The following ARHGAP24 variants were observed in gnomAD, a reference collection of about 807,000 sequenced individuals.
ARHGAP24 encodes Rho GTPase activating protein 24, also known as rho GTPase-activating protein 24.
In ARHGAP24, 50 loss-of-function variants were observed where a neutral mutation model predicts 76.4. The ratio of observed to expected loss-of-function variants is 0.65; its 90% confidence interval spans 0.52 to 0.83. The LOEUF is 0.83. Among genes scored for constraint, ARHGAP24 ranks in the 40% least tolerant of loss-of-function variants. ARHGAP24 has a pLI of 0.00. For synonymous variants in ARHGAP24, 345 were observed against 323.3 expected, an observed-to-expected ratio of 1.07 and a Z score of -0.72; for missense variants, 930 against 914.2, an observed-to-expected ratio of 1.02 and a Z score of -0.22.
intron 3 of ARHGAP24, among the ~76,000 whole-genome samples, chr4:85,794,430 T>C (rs997269537): frequency 6.6e-6 from 1 of 152,204 alleles, no homozygotes; most frequent in Non-Finnish European, 1.5e-5. Flanking sequence ...CCAAATATAA[T>C]TGTATACAAT....
At chr4:85,509,881 G>T (rs754649126) in intron 1 of ARHGAP24, among the ~76,000 whole-genome samples, 1 of 151,744 alleles carries the variant, frequency 6.6e-6, no homozygotes, top group South Asian at 2.1e-4. Flanking sequence ...TTGTATTATC[G>T]GATGCTGTGA....
chr4:85,759,656 C>T (rs1211636218), intron 3 of ARHGAP24, among the ~76,000 whole-genome samples: 1 of 151,736 alleles, frequency 6.6e-6, no homozygotes, highest in South Asian at 2.1e-4. Flanking sequence ...GAGGCAAGGA[C>T]GTGTTAGAAA....
intron 1 of ARHGAP24, among the ~76,000 whole-genome samples, chr4:85,539,674 G>T (rs1009862883): frequency 6.6e-6 from 1 of 152,072 alleles, no homozygotes; most frequent in African/African-American, 2.4e-5. Flanking sequence ...TTGAAAAAAA[G>T]CCTTTGCAAC....
chr4:85,875,704 T>A (rs531968144), intron 3 of ARHGAP24, among the ~76,000 whole-genome samples: 47 of 134,388 alleles, frequency 3.5e-4, no homozygotes, highest in African/African-American at 1.3e-3. Flanking sequence ...AATATTTATA[T>A]ATAATTTATA....
At chr4:85,998,120 T>C (rs907955937) in intron 9 of ARHGAP24, among the ~76,000 whole-genome samples, 1 of 152,224 alleles carries the variant, frequency 6.6e-6, no homozygotes, top group Non-Finnish European at 1.5e-5. Flanking sequence ...AAAGCTTCTG[T>C]ATTTCTTCTC....
chr4:85,772,420 G>C (rs1456519446), intron 3 of ARHGAP24, among the ~76,000 whole-genome samples: 16 of 152,100 alleles, frequency 1.1e-4, no homozygotes, highest in Admixed American at 1.0e-3. Flanking sequence ...ACAAATCTCG[G>C]CATTTTCTCT....
chr4:85,828,501 G>A (rs1376591339), intron 3 of ARHGAP24, among the ~76,000 whole-genome samples: 2 of 150,914 alleles, frequency 1.3e-5, no homozygotes, highest in African/African-American at 4.9e-5. Flanking sequence ...CCATTTGTGT[G>A]TGTCTGCGTG....
At chr4:85,747,745 T>G (rs1312431499) in intron 3 of ARHGAP24, among the ~76,000 whole-genome samples, 1 of 151,522 alleles carries the variant, frequency 6.6e-6, no homozygotes, top group Non-Finnish European at 1.5e-5. Flanking sequence ...AAGCTGAAAA[T>G]TGAATATCTG....
intron 4 of ARHGAP24, among the ~76,000 whole-genome samples, chr4:85,935,522 C>T (rs1736582709): frequency 6.6e-6 from 1 of 152,110 alleles, no homozygotes; most frequent in Admixed American, 6.5e-5. Flanking sequence ...AGTGAGAATG[C>T]CTTGGAAAAA....
At chr4:85,734,873 G>A (rs1725548038) in intron 3 of ARHGAP24, among the ~76,000 whole-genome samples, 1 of 152,032 alleles carries the variant, frequency 6.6e-6, no homozygotes, top group African/African-American at 2.4e-5. Context: ...TATTTAAGTA[G>A]TTGGTTTATT....
chr4:85,748,137 GAA>G (rs951443773), intron 3 of ARHGAP24, among the ~76,000 whole-genome samples: 3 of 152,226 alleles, frequency 2.0e-5, no homozygotes, highest in African/African-American at 7.2e-5. Context: ...TAACCTAGAG[GAA>G]AGACTTCAAG....
chr4:85,645,907 T>C (rs1418306870), intron 2 of ARHGAP24, among the ~76,000 whole-genome samples: 1 of 152,110 alleles, frequency 6.6e-6, no homozygotes, highest in Non-Finnish European at 1.5e-5. Context: ...TAATGTTTGA[T>C]TGTTGATACA....
At chr4:85,641,805 A>T (rs1261566337) in intron 2 of ARHGAP24, among the ~76,000 whole-genome samples, 1 of 151,966 alleles carries the variant, frequency 6.6e-6, no homozygotes, top group Non-Finnish European at 1.5e-5. Flanking sequence ...AAGCTTCCAC[A>T]CCCTTCCTGG....
At chr4:85,664,499 T>A (rs1310698527) in intron 2 of ARHGAP24, among the ~76,000 whole-genome samples, 1 of 150,814 alleles carries the variant, frequency 6.6e-6, no homozygotes, top group Non-Finnish European at 1.5e-5. Context: ...GGTTTTTTTG[T>A]GTCTCTATTT....
At chr4:85,627,543 C>G (rs913383699) in intron 2 of ARHGAP24, among the ~76,000 whole-genome samples, 2 of 152,234 alleles carry the variant, frequency 1.3e-5, no homozygotes, top group Non-Finnish European at 2.9e-5. Context: ...AGGAGGCAGT[C>G]TGCCTGTTCT....
intron 3 of ARHGAP24, among the ~76,000 whole-genome samples, chr4:85,771,357 A>G (rs1727123778): frequency 6.6e-6 from 1 of 152,204 alleles, no homozygotes; most frequent in Non-Finnish European, 1.5e-5. Context: ...AACCAGTTGT[A>G]CCAATGTCTG....
intron 2 of ARHGAP24, among the ~76,000 whole-genome samples, chr4:85,577,008 T>C (rs1370385439): frequency 5.9e-5 from 9 of 151,914 alleles, no homozygotes; most frequent in Non-Finnish European, 1.0e-4. Context: ...ATACTTTATT[T>C]ATCTGATTTT....
chr4:85,565,392 A>AGTTTT (rs1259092632), intron 1 of ARHGAP24, among the ~76,000 whole-genome samples: 4 of 152,098 alleles, frequency 2.6e-5, no homozygotes, highest in African/African-American at 9.7e-5. Context: ...CAACATTGCC[A>AGTTTT]GTTTTGTTTT....
chr4:85,483,124 T>A lies in ARHGAP24; in HGVS notation c.-21+7565T>A, dbSNP rs1171084997. Among the ~76,000 whole-genome samples the A allele has an allele frequency of 2.0e-5, 3 of 152,164 alleles. No homozygotes were observed. In the East Asian group the frequency reaches 5.8e-4, roughly 29 times the overall value. On this transcript the variant is annotated intron_variant, in intron 1 of 9. Transcript: ENST00000395184. ...GCAATGCATGAAAAGACTGGAGGGG[T>A]GTCTGGCACCTGATAAATATCAATA...
Sources: gnomAD v4.1 joint callset for allele counts (sites outside exome capture counted in the v4.1 genomes callset) on GRCh38, gnomAD v4.1.1 for gene constraint, MANE v1.5 for transcripts, NCBI Gene and HGNC (gene_info 2026-07-23, HGNC 2026-07-21) for gene names.